Variants in GNG7 observed in about 807,000 individuals in gnomAD.
GNG7 encodes G protein subunit gamma 7.
A neutral mutation model predicts 4.0 loss-of-function variants in GNG7; 1 was observed. The observed-to-expected ratio is 0.25, with a 90% CI of 0.09 to 1.18. The LOEUF is 1.18. Among genes scored for constraint, GNG7 ranks in the 50% most tolerant of loss-of-function variants. GNG7 has a pLI of 0.50. For missense variants in GNG7, 86 were observed against 91.9 expected, an observed-to-expected ratio of 0.94 and a Z score of 0.26; for synonymous variants, 34 against 36.9, an observed-to-expected ratio of 0.92 and a Z score of 0.29.
chr19:2,526,508 A>C (rs1978401650), intron 3 of GNG7, among the ~76,000 whole-genome samples: 1 of 126,260 alleles, frequency 7.9e-6, no homozygotes, highest in African/African-American at 2.8e-5. Context: ...TCATATATTT[A>C]TATTTATACT....
At position 2,692,897 on chromosome 19, in the gene GNG7, G is replaced by T. The variant is rs185198126; in HGVS notation, c.-135+9749C>A. Among the ~76,000 whole-genome samples, 623 of 151,260 alleles carry T rather than the reference G, an allele frequency of 4.1e-3. 11 individuals carry two copies. The highest frequency in any genetic ancestry group is 0.014 in the African/African-American group (576 of 41,070). ...GCCATCTGGGAGGCTGAGGCAGGAG[G>T]ATCACTTGAACCTGGGAGTTCAAGG... On this transcript the variant is annotated intron_variant, in intron 1 of 4. Coordinates refer to ENST00000382159, the MANE Select transcript of GNG7 (RefSeq NM_052847.3).
Position 2,633,483 on chromosome 19 carries a change from GCGCGCACACA to G in GNG7, c.-78+12731_-78+12740del, listed in dbSNP as rs1245085681. 5.8e-3 allele frequency among the ~76,000 whole-genome samples: 470 copies of G among 80,386 alleles called. 6 individuals carry two copies. Among genetic ancestry groups the G allele is most frequent in the African/African-American group, 0.016 (438 of 26,772 alleles). 52.7% of individuals were successfully genotyped at this position (80,386 alleles called of 152,430 possible). ...TGCTTAGCAACAGGCGCGCGCGCGC[GCGCGCACACA>G]CACACACACACACACACACACACAC... On this transcript the variant is annotated intron_variant, in intron 2 of 4. Transcript: ENST00000382159. The surrounding 1 kb of genome is among the most constrained non-coding windows in gnomAD (Gnocchi z 5.9).
At chr19:2,649,281 C>T (rs1287449617) in intron 1 of GNG7, among the ~76,000 whole-genome samples, 1 of 151,910 alleles carries the variant, frequency 6.6e-6, no homozygotes, top group Non-Finnish European at 1.5e-5. Context: ...CTGGTGCGCC[C>T]TTCAACTCAC....
chr19:2,537,698 G>A (rs531358793), intron 3 of GNG7, among the ~76,000 whole-genome samples: 44 of 151,836 alleles, frequency 2.9e-4, no homozygotes, highest in African/African-American at 1.0e-3. Flanking sequence ...AGCTGGAGGC[G>A]GGAAACTGGC....
At chr19:2,590,936 C>T (rs1407465931) in intron 2 of GNG7, among the ~76,000 whole-genome samples, 1 of 151,450 alleles carries the variant, frequency 6.6e-6, no homozygotes, top group Non-Finnish European at 1.5e-5. Context: ...CATCCATTTA[C>T]TCATCCATCC....
At chr19:2,543,008 G>C (rs1366676446) in intron 3 of GNG7, among the ~76,000 whole-genome samples, 1 of 149,394 alleles carries the variant, frequency 6.7e-6, no homozygotes, top group South Asian at 2.1e-4. Flanking sequence ...CGCCTCCCAG[G>C]TTCAAGTGAT....
At chr19:2,551,579 A>ATATAAAAAAATATATATT (rs1979322977) in intron 3 of GNG7, among the ~76,000 whole-genome samples, 7 of 79,194 alleles carry the variant, frequency 8.8e-5, no homozygotes, top group South Asian at 3.8e-4. Context: ...TATCTATAAT[A>ATATAAAAAAATATATATT]TATAAATATG....
intron 3 of GNG7, among the ~76,000 whole-genome samples, chr19:2,551,760 T>C (rs1336653016): frequency 1.3e-5 from 2 of 151,952 alleles, no homozygotes; most frequent in African/African-American, 4.8e-5. Flanking sequence ...CTCAGCTCAC[T>C]GCAACCTCTG....
At chr19:2,558,227 C>T (rs898920387) in intron 2 of GNG7, among the ~76,000 whole-genome samples, 11 of 138,842 alleles carry the variant, frequency 7.9e-5, no homozygotes, top group Admixed American at 5.5e-4. Context: ...AGATGGGCAC[C>T]GTGTTTTTTT....
At chr19:2,647,440 C>G (rs902304488) in intron 1 of GNG7, among the ~76,000 whole-genome samples, 34 of 152,358 alleles carry the variant, frequency 2.2e-4, no homozygotes, top group Middle Eastern at 3.4e-3. Flanking sequence ...AAACTCTGCT[C>G]TGTGCTCCAT....
Position 2,631,372 on chromosome 19 carries a change from C to T in GNG7, c.-78+14852G>A, listed in dbSNP as rs150379176. Among the ~76,000 whole-genome samples the T allele has an allele frequency of 3.6e-4, 55 of 152,332 alleles. No homozygotes were observed. In the East Asian group the frequency reaches 4.0e-3, roughly 11 times the overall value. Reference sequence around the variant, plus strand: ...TCCAGTGACGATCATTCTTTCCTCACGAGTGGTTATGAGATGAAATCAGAT... The same window carrying T: ...TCCAGTGACGATCATTCTTTCCTCATGAGTGGTTATGAGATGAAATCAGAT... On this transcript the variant is annotated intron_variant, in intron 2 of 4. Transcript: ENST00000382159.
chr19:2,698,010 T>C (rs1446545851), intron 1 of GNG7, among the ~76,000 whole-genome samples: 1 of 151,638 alleles, frequency 6.6e-6, no homozygotes, highest in East Asian at 1.9e-4. Flanking sequence ...CTCATGCTTA[T>C]AATCCCAGCA....
At chr19:2,688,238 G>A (rs1005965695) in intron 1 of GNG7, among the ~76,000 whole-genome samples, 4 of 152,258 alleles carry the variant, frequency 2.6e-5, no homozygotes, top group Admixed American at 6.5e-5. Flanking sequence ...GGGCGACAGA[G>A]CGAGACTCCG....
rs543412029 is a variant in GNG7 at position 2,512,226 on chromosome 19, C to T, written c.*2796G>A. The T allele has an allele frequency of 1.4e-5, 14 of 985,898 alleles. No homozygotes were observed. In the African/African-American group the frequency reaches 1.9e-4, roughly 14 times the overall value. The allele number at this position is 985,898 out of a possible 1,614,324, so 61.1% of individuals were successfully genotyped here. On this transcript the variant is annotated 3_prime_UTR_variant, in exon 5 of 5. Transcript: ENST00000382159. The surrounding 1 kb of genome is among the most constrained non-coding windows in gnomAD (Gnocchi z 4.7). ...GGAGGTGCACGCGCGCTCCTGGAAA[C>T]GCCCATAAAACATGCGTTCACCCCA... is the stretch of plus-strand genomic sequence containing the variant.
rs8112518 is a variant in GNG7, at chr19:2,512,153, C to G, written c.*2869G>C. 0.13 allele frequency: 125,597 copies of G among 985,716 alleles called. 8,886 individuals carry two copies. Among genetic ancestry groups the G allele is most frequent in the African/African-American group, 0.27 (15,279 of 57,262 alleles). 61.1% of individuals were successfully genotyped at this position (985,716 alleles called of 1,614,324 possible). A position where few individuals can be genotyped will look rare whatever the true frequency, so the allele number is the denominator to read the frequency against. On this transcript the variant is annotated 3_prime_UTR_variant, in exon 5 of 5. Coordinates refer to ENST00000382159, the MANE Select transcript of GNG7 (RefSeq NM_052847.3). This position sits in a 1 kb window ranked among gnomAD's most constrained non-coding sequence, Gnocchi z 4.7. Reference sequence around the variant, plus strand: ...GCGTAGCTGAGAGAGGCTTGTCCCCCCAAGGCTAGAGCTGCTGCTGCCACC... The same window carrying G: ...GCGTAGCTGAGAGAGGCTTGTCCCCGCAAGGCTAGAGCTGCTGCTGCCACC...
chr19:2,636,203 C>T (rs1982303414), intron 2 of GNG7, among the ~76,000 whole-genome samples: 1 of 152,212 alleles, frequency 6.6e-6, no homozygotes, highest in Non-Finnish European at 1.5e-5. Context: ...CCTCCTCTCT[C>T]CCTCCCACTC....
At chr19:2,526,652 ATATTT>A (rs1978407089) in intron 3 of GNG7, among the ~76,000 whole-genome samples, 1 of 149,604 alleles carries the variant, frequency 6.7e-6, no homozygotes, top group South Asian at 2.1e-4. Context: ...TATTGCATAC[ATATTT>A]TATATTTATT....
At chr19:2,605,038 T>A (rs1241582853) in intron 2 of GNG7, among the ~76,000 whole-genome samples, 1 of 152,170 alleles carries the variant, frequency 6.6e-6, no homozygotes, top group Non-Finnish European at 1.5e-5. Context: ...AATCTAGATG[T>A]GGGCAAGGCC....
chr19:2,563,037 C>T (rs1204772538), intron 2 of GNG7, among the ~76,000 whole-genome samples: 1 of 152,034 alleles, frequency 6.6e-6, no homozygotes, highest in South Asian at 2.1e-4. Context: ...CTCCTCCTCC[C>T]GGGTTCACGC....
Sources: gnomAD v4.1 joint callset for allele counts (sites outside exome capture counted in the v4.1 genomes callset) on GRCh38, gnomAD v4.1.1 for gene constraint, Gnocchi (gnomAD v3.1) non-coding constraint, MANE v1.5 for transcripts, NCBI Gene and HGNC (gene_info 2026-07-23, HGNC 2026-07-21) for gene names.